The following ZNF142 variants were observed in gnomAD, a reference collection of about 807,000 sequenced individuals.
The protein encoded by ZNF142 is zinc finger protein 142.
ZNF142 carries 96 observed loss-of-function variants against 132.1 expected under a neutral mutation model. That is an observed-to-expected ratio of 0.73 (90% confidence interval 0.62 to 0.86). ZNF142 has a LOEUF of 0.86. ZNF142 is among the 40% of genes least tolerant of loss of function. The pLI is 0.00. For synonymous variants in ZNF142, 842 were observed against 890.1 expected (o/e 0.95, Z 0.96); for missense variants, 2,163 against 2,336.2 (o/e 0.93, Z 1.53).
chr2:218,636,002 T>A lies in ZNF142; in HGVS notation c.*2337A>T, dbSNP rs1696719387. On this transcript the variant is annotated 3_prime_UTR_variant, in exon 11 of 11. Coordinates refer to ENST00000411696, the MANE Select transcript of ZNF142 (RefSeq NM_001379659.1). Reference sequence around the variant, plus strand: ...AGTTTTCCTTCTAGTCTGTCTTCCATTAAGTATAGCATCTGTTATTGCATG... The same window carrying A: ...AGTTTTCCTTCTAGTCTGTCTTCCAATAAGTATAGCATCTGTTATTGCATG... 1.2e-6 allele frequency: 2 copies of A among 1,604,752 alleles called. No individual in the cohort carries two copies. The highest frequency in any genetic ancestry group is 2.7e-5 in the African/African-American group (2 of 74,836).
At chr2:218,657,573 C>A (rs956378716) in intron 3 of ZNF142, among the ~76,000 whole-genome samples, 4 of 152,120 alleles carry the variant, frequency 2.6e-5, no homozygotes, top group African/African-American at 9.7e-5. Context: ...GGATTACAGG[C>A]ATGTACCACC....
chr2:218,633,737 G>A lies in ZNF142; in HGVS notation c.*4602C>T. On this transcript the variant is annotated 3_prime_UTR_variant, in exon 11 of 11. Coordinates refer to ENST00000411696, the MANE Select transcript of ZNF142 (RefSeq NM_001379659.1). Reference sequence around the variant, plus strand: ...GATATCATCTTTCTCTGAAACCAAGGCCAAGCGCCTCATCAAGGAGGCTGG... The same window carrying A: ...GATATCATCTTTCTCTGAAACCAAGACCAAGCGCCTCATCAAGGAGGCTGG... 6.2e-7 allele frequency: 1 copy of A among 1,613,916 alleles called. No homozygotes were observed. The highest frequency in any genetic ancestry group is 8.5e-7 in the Non-Finnish European group (1 of 1,179,880).
At chr2:218,641,063 T>G (rs935743760) in intron 9 of ZNF142, among the ~76,000 whole-genome samples, 5 of 151,808 alleles carry the variant, frequency 3.3e-5, no homozygotes, top group African/African-American at 7.3e-5. Flanking sequence ...GCCTCCCAAG[T>G]AGCTGGGAAT....
chr2:218,643,728 A>G lies in ZNF142; in HGVS notation c.3388T>C (p.Ser1130Pro), dbSNP rs1347143460. 2 of 1,606,302 alleles carry G rather than the reference A, an allele frequency of 1.2e-6. No individual in the cohort carries two copies. The highest frequency in any genetic ancestry group is 1.7e-6 in the Non-Finnish European group (2 of 1,176,886). ...GGAAGCAGTAGCTCTGCTTCTTGTG[A>G]TGCAGGTGGGGGCTTCCCACTTTCT... ...DTESGKPPPA[S>P]QEAELLLPKD... Residue 1130 changes from serine to proline, a missense_variant, in exon 9 of 11, where the codon TCA becomes CCA. By Grantham distance (74) the Ser-to-Pro change is moderately conservative. Around this residue, in one of 7 missense-constraint regions of ZNF142, gnomAD observed 809 missense variants for 801.7 expected, o/e 1.01. Coordinates refer to ENST00000411696, the MANE Select transcript of ZNF142 (RefSeq NM_001379659.1).
rs140261354 is a variant in ZNF142 at position 218,638,008 on chromosome 2, T to A, written c.*331A>T. 3.9e-4 allele frequency: 92 copies of A among 233,964 alleles called. No individual in the cohort carries two copies. The highest frequency in any genetic ancestry group is 6.0e-4 in the Non-Finnish European group (73 of 121,774). 14.5% of individuals were successfully genotyped at this position (233,964 alleles called of 1,614,324 possible). On this transcript the variant is annotated 3_prime_UTR_variant, in exon 11 of 11. Transcript: ENST00000411696. ...AGAAGATTCTGAAAGAAAATAGGAA[T>A]TGACACAGTAAGAAGGAAAGAGAAG...
Position 218,642,521 on chromosome 2 carries a change from CG to C in ZNF142, c.4594del (p.Arg1532AlafsTer65). 6.2e-7 allele frequency: 1 copy of C among 1,608,122 alleles called. No individual in the cohort carries two copies. The highest frequency in any genetic ancestry group is 8.5e-7 in the Non-Finnish European group (1 of 1,176,380). ...AGGGCTGGGGCACAGCAACCCACAG[CG>C]GGAACAGTGCAGGGGGCCCTCAGTG... ...ETTEGPLHCSRCGLLCPSPAS... is the reference protein window; with the variant it reads ...ETTEGPLHCSXCGLLCPSPAS... On this transcript the variant is annotated frameshift_variant, in exon 9 of 11. Coordinates refer to ENST00000411696, the MANE Select transcript of ZNF142 (RefSeq NM_001379659.1). LOFTEE classifies it high-confidence loss of function. This position sits in a 1 kb window ranked among gnomAD's most constrained non-coding sequence, Gnocchi z 4.6.
rs1324784646 is a variant in ZNF142 at position 218,636,078 on chromosome 2, C to T, written c.*2261G>A. 1 of 1,438,650 alleles carries T rather than the reference C, an allele frequency of 7.0e-7. No homozygotes were observed. The highest frequency in any genetic ancestry group is 2.1e-5 in the Admixed American group (1 of 48,396). The allele number at this position is 1,438,650 out of a possible 1,614,324, so 89.1% of individuals were successfully genotyped here. On this transcript the variant is annotated 3_prime_UTR_variant, in exon 11 of 11. Coordinates refer to ENST00000411696, the MANE Select transcript of ZNF142 (RefSeq NM_001379659.1). ...CAGTACAAAGAATCCTGGCTCTTCA[C>T]TTAAAAGCTCCAGTGACCTGGGCAA... is the stretch of plus-strand genomic sequence containing the variant.
At position 218,645,039 on chromosome 2, in the gene ZNF142, G is replaced by A. The variant is rs774325184; in HGVS notation, c.2077C>T (p.Arg693Cys). 2.0e-5 allele frequency: 33 copies of A among 1,613,056 alleles called. No homozygotes were observed. The highest frequency in any genetic ancestry group is 2.2e-5 in the South Asian group (2 of 91,074). The stretch of plus-strand genomic sequence containing the variant: ...CTCAGCTGATCAGCCCGGTGACAGC[G>A]ATAGGAGCACTGGTTGCACTGATAC... Reference protein sequence around the residue: ...LRYQCNQCSYRCHRADQLSSH... With the variant: ...LRYQCNQCSYCCHRADQLSSH... The change falls in exon 9 of 11, where the codon CGC (arginine) becomes TGC (cysteine). Residue 693 changes from arginine to cysteine, a missense_variant. Physicochemically the swap from Arg to Cys is radical, Grantham distance 180. Coordinates refer to ENST00000411696, the MANE Select transcript of ZNF142 (RefSeq NM_001379659.1).
intron 5 of ZNF142, 42 bp downstream of exon 5, chr2:218,651,659 C>A (rs1311984482): frequency 1.6e-6 from 2 of 1,229,800 alleles, no homozygotes; most frequent in East Asian, 5.7e-5. Context: ...TCAACTGTGG[C>A]TGAACTCCAG....
chr2:218,645,079 A>T lies in ZNF142; in HGVS notation c.2052-15T>A, dbSNP rs1473459987. The T allele has an allele frequency of 1.9e-6, 3 of 1,602,076 alleles. No homozygotes were observed. Among genetic ancestry groups the T allele is most frequent in the Non-Finnish European group, 2.6e-6 (3 of 1,171,972 alleles). On this transcript the variant is annotated splice_polypyrimidine_tract_variant and intron_variant, in intron 8 of 10. Transcript: ENST00000411696. ...TGCACTGATACCTGGCAAGGAGGGA[A>T]AGGGGGAGGCAATCACAATAATTAA... is the stretch of plus-strand genomic sequence containing the variant.
rs749368282 is a variant in ZNF142 at position 218,638,764 on chromosome 2, G to A, written c.5239C>T (p.Arg1747Trp). The A allele has an allele frequency of 6.8e-6, 11 of 1,609,130 alleles. No individual in the cohort carries two copies. The highest frequency in any genetic ancestry group is 1.1e-5 in the South Asian group (1 of 91,032). ...TGGTGCACACGCAGTGCATCAGCCC[G>A]GTTGGTGCAGTACTCACACTCGGGA... ...QCPECEYCTN[R>W]ADALRVHQET... The change falls in exon 11 of 11, where the codon CGG becomes TGG. Residue 1747 changes from arginine to tryptophan, a missense_variant. Physicochemically the swap from Arg to Trp is moderately radical, Grantham distance 101. Coordinates refer to ENST00000411696, the MANE Select transcript of ZNF142 (RefSeq NM_001379659.1).
At position 218,633,435 on chromosome 2, in the gene ZNF142, C is replaced by T. The variant is rs1010664154; in HGVS notation, c.*4904G>A. On this transcript the variant is annotated 3_prime_UTR_variant, in exon 11 of 11. Transcript: ENST00000411696. The stretch of plus-strand genomic sequence containing the variant: ...CCGTCTATCTGTTGTCAGATTGTGG[C>T]CCAGGCTCCTATTTCCAAGCCTGAG... 1.8e-5 allele frequency: 14 copies of T among 792,792 alleles called. No homozygotes were observed. The African/African-American group carries it at 2.4e-4, about 13-fold the overall frequency. The allele number at this position is 792,792 out of a possible 1,614,324, so 49.1% of individuals were successfully genotyped here.
chr2:218,636,101 C>T lies in ZNF142; in HGVS notation c.*2238G>A. ...CACTTAAAAGCTCCAGTGACCTGGG[C>T]AAATTACTTGCTTACTCTGAGCCTT... On this transcript the variant is annotated 3_prime_UTR_variant, in exon 11 of 11. Transcript: ENST00000411696. 1 of 1,363,108 alleles carries T rather than the reference C, an allele frequency of 7.3e-7. No individual in the cohort carries two copies. Among genetic ancestry groups the T allele is most frequent in the Non-Finnish European group, 1.0e-6 (1 of 981,580 alleles). The allele number at this position is 1,363,108 out of a possible 1,614,324, so 84.4% of individuals were successfully genotyped here. A position where few individuals can be genotyped will look rare whatever the true frequency, so the allele number is the denominator to read the frequency against.
chr2:218,651,351 G>A (rs1214635258), intron 5 of ZNF142, among the ~76,000 whole-genome samples: 1 of 152,204 alleles, frequency 6.6e-6, no homozygotes, highest in Non-Finnish European at 1.5e-5. Context: ...CTAAAGGAAA[G>A]TCTACAGGCA....
In ZNF142 at chr2:218,634,607, A is replaced by G. The variant is rs1696603541; in HGVS notation, c.*3732T>C. 1.2e-6 allele frequency: 2 copies of G among 1,614,026 alleles called. No individual in the cohort carries two copies. Among genetic ancestry groups the G allele is most frequent in the East Asian group, 4.5e-5 (2 of 44,888 alleles). ...CCCTGAGAAGCCCATCAGCCCTTTC[A>G]AAGCCCAGACTCTCTTAATCCAGGT... On this transcript the variant is annotated 3_prime_UTR_variant, in exon 11 of 11. Coordinates refer to ENST00000411696, the MANE Select transcript of ZNF142 (RefSeq NM_001379659.1). The surrounding 1 kb of genome is among the most constrained non-coding windows in gnomAD (Gnocchi z 4.0).
rs200091615 is a variant in ZNF142 at position 218,642,008 on chromosome 2, C to G, written c.5088+20G>C. 9.0e-5 allele frequency: 145 copies of G among 1,606,552 alleles called. No homozygotes were observed. The African/African-American group carries it at 1.4e-3, about 15-fold the overall frequency. On this transcript the variant is annotated intron_variant, in intron 9 of 10. Transcript: ENST00000411696. This position sits in a 1 kb window ranked among gnomAD's most constrained non-coding sequence, Gnocchi z 4.6. ...AGCCTGTGCTCCTTCCACTTCCTGCCCCATATCCTCTGACATTACCTTGAG... is the reference window on the plus strand; with the variant it reads ...AGCCTGTGCTCCTTCCACTTCCTGCGCCATATCCTCTGACATTACCTTGAG...
rs1425653116 is a variant in ZNF142, at chr2:218,642,177, C to T, written c.4939G>A (p.Gly1647Arg). The T allele has an allele frequency of 6.2e-7, 1 of 1,614,106 alleles. No individual in the cohort carries two copies. Among genetic ancestry groups the T allele is most frequent in the African/African-American group, 1.3e-5 (1 of 74,934 alleles). ...LVLDHHVKGH[G>R]GTRLYKCTDC... ...GTGCACTTGTAGAGACGAGTGCCCC[C>T]ATGCCCTTTCACATGGTGATCTAGT... The change falls in exon 9 of 11, where the codon GGG becomes AGG. Residue 1647 changes from glycine (G) to arginine (R), a missense_variant. Gly to Arg is a moderately radical substitution (Grantham distance 125). Transcript: ENST00000411696. This position sits in a 1 kb window ranked among gnomAD's most constrained non-coding sequence, Gnocchi z 4.6.
In ZNF142 at chr2:218,642,636, G is replaced by T; in HGVS notation, c.4480C>A (p.Gln1494Lys). The change falls in exon 9 of 11, where the codon CAG becomes AAG. Residue 1494 changes from glutamine to lysine, a missense_variant. By Grantham distance (53) the Gln-to-Lys change is moderately conservative. This residue lies in a region of ZNF142 where 809 missense variants were observed against 801.7 expected (regional missense o/e 1.01). Transcript: ENST00000411696. This position sits in a 1 kb window ranked among gnomAD's most constrained non-coding sequence, Gnocchi z 4.6. ...TTAAGTGCTGTCTCTGAGCTGAACT[G>T]GGCTTCACACTGGGAGCAGGCAAAG... ...PAFACSQCEA[Q>K]FSSETALKQH... is the part of the protein sequence containing the mutation. 6.2e-7 allele frequency: 1 copy of T among 1,614,094 alleles called. No homozygotes were observed. The highest frequency in any genetic ancestry group is 8.5e-7 in the Non-Finnish European group (1 of 1,180,034).
chr2:218,640,718 C>T lies in ZNF142; in HGVS notation c.5140G>A (p.Gly1714Ser). ...EERKYLCPEC[G>S]YKCKWVNQLK... ...TGGTTGACCCACTTGCACTTGTAGC[C>T]ACACTCAGGGCACAGGTACTTCCGT... The change falls in exon 10 of 11, where the codon GGC becomes AGC. Residue 1714 changes from glycine to serine, a missense_variant. Gly to Ser is a moderately conservative substitution (Grantham distance 56). This residue lies in a region of ZNF142 where 325 missense variants were observed against 367.8 expected (regional missense o/e 0.88). Transcript: ENST00000411696. 1.2e-6 allele frequency: 2 copies of T among 1,614,180 alleles called. No individual in the cohort carries two copies. Among genetic ancestry groups the T allele is most frequent in the Non-Finnish European group, 1.7e-6 (2 of 1,180,028 alleles).
Sources: allele counts gnomAD v4.1 joint callset (sites outside exome capture counted in the v4.1 genomes callset), GRCh38; gene constraint gnomAD v4.1.1; regional missense constraint gnomAD v4.1.1; non-coding constraint Gnocchi (gnomAD v3.1); transcripts MANE v1.5; gene names NCBI Gene and HGNC (gene_info 2026-07-23, HGNC 2026-07-21).